Variants in CUX1 observed in about 807,000 individuals in gnomAD.
CUX1 encodes protein CASP.
In CUX1, 31 loss-of-function variants were observed where a neutral mutation model predicts 158.8. The observed-to-expected ratio is 0.20, with a 90% CI of 0.15 to 0.26. The LOEUF (loss-of-function observed/expected upper bound fraction) is 0.26, where lower values mean the gene tolerates loss of function less well. Among genes scored for constraint, CUX1 ranks in the 10% least tolerant of loss-of-function variants. The pLI, the probability that CUX1 is intolerant of heterozygous loss-of-function variation, is 1.00. For synonymous variants in CUX1, 879 were observed against 862.1 expected (o/e 1.02, Z -0.34); for missense variants, 1,589 against 2,014.6 (o/e 0.79, Z 4.04).
intron 10 of CUX1, 148 bp downstream of exon 10, chr7:102,170,698 CAAT>C (rs1791613852): frequency 3.4e-6 from 2 of 589,900 alleles, no homozygotes; most frequent in African/African-American, 3.8e-5. Flanking sequence ...TTGCTTTGAC[CAAT>C]TGGGGGCCGG....
intron 10 of CUX1, among the ~76,000 whole-genome samples, chr7:102,175,662 C>G (rs367589761): frequency 2.0e-5 from 3 of 152,138 alleles, no homozygotes; most frequent in African/African-American, 7.2e-5. Context: ...GTCCCGCCAG[C>G]CCTCCCGAGG....
At chr7:102,260,102 GAA>G (rs1412826601), downstream of CUX1, among the ~76,000 whole-genome samples, 65 of 90,770 alleles carry the variant, frequency 7.2e-4, no homozygotes, top group African/African-American at 2.5e-3. Context: ...ATCTTGGGGG[GAA>G]AAAAAAAAAA....
rs201993734 is a variant in CUX1 at position 102,111,710 on chromosome 7, G to A, written c.543G>A (p.Glu181=). 6.8e-6 allele frequency: 11 copies of A among 1,614,080 alleles called. No individual in the cohort carries two copies. Among genetic ancestry groups the A allele is most frequent in the Non-Finnish European group, 7.6e-6 (9 of 1,180,024 alleles). Residue 181 remains glutamate (E), a synonymous_variant, in exon 7 of 24, where the codon GAG becomes GAA. Transcript: ENST00000292535. ...TCTTCCTTTGCAGAAAGCTGCAGGA[G>A]ACACAGATGTCCACCACCTCAAAGC... ...DFAEKERKLQ[E]TQMSTTSKLE...
At chr7:102,134,293 C>T (rs782328607) in intron 8 of CUX1, among the ~76,000 whole-genome samples, 17 of 152,148 alleles carry the variant, frequency 1.1e-4, no homozygotes, top group Non-Finnish European at 1.9e-4. Flanking sequence ...GCTGAGATTG[C>T]ACCACTGCAC....
At chr7:101,898,429 G>A (rs1034165073) in intron 1 of CUX1, among the ~76,000 whole-genome samples, 14 of 152,128 alleles carry the variant, frequency 9.2e-5, no homozygotes, top group African/African-American at 3.4e-4. Flanking sequence ...CCGCCGGGAC[G>A]GGGAAGTCTC....
chr7:101,964,056 A>T (rs2129180177), intron 2 of CUX1, among the ~76,000 whole-genome samples: 1 of 152,254 alleles, frequency 6.6e-6, no homozygotes, highest in East Asian at 1.9e-4. Flanking sequence ...GCACATCAAG[A>T]AATGACAAGG....
intron 16 of CUX1, chr7:102,274,456 A>G (rs1791454516): frequency 1.6e-6 from 1 of 644,238 alleles, no homozygotes; most frequent in African/African-American, 1.8e-5. Context: ...GCAACCTTCA[A>G]AGGGTCGGGT....
chr7:101,966,055 G>A (rs980569160), intron 2 of CUX1, among the ~76,000 whole-genome samples: 1 of 151,940 alleles, frequency 6.6e-6, no homozygotes, highest in African/African-American at 2.4e-5. Context: ...TTTGTGAAGT[G>A]ATAATAGTGT....
chr7:102,122,890 G>GCA (rs1563273877), intron 8 of CUX1, among the ~76,000 whole-genome samples: 1 of 151,836 alleles, frequency 6.6e-6, no homozygotes. Flanking sequence ...GACGTCACAT[G>GCA]CACACACACA....
intron 4 of CUX1, among the ~76,000 whole-genome samples, chr7:102,079,980 G>T (rs402294): frequency 6.6e-6 from 1 of 152,098 alleles, no homozygotes; most frequent in East Asian, 1.9e-4. Context: ...TACCTTCCTC[G>T]GCCAGGTTCA....
At chr7:101,970,681 G>A (rs893017605) in intron 2 of CUX1, among the ~76,000 whole-genome samples, 3 of 152,108 alleles carry the variant, frequency 2.0e-5, no homozygotes, top group Admixed American at 1.3e-4. Flanking sequence ...TCAGCCCCTC[G>A]AGTAGCTGGG....
intron 7 of CUX1, 30 bp downstream of exon 7, chr7:102,111,804 A>G: frequency 6.3e-7 from 1 of 1,597,772 alleles, no homozygotes; most frequent in Non-Finnish European, 8.6e-7. Flanking sequence ...AGTACCATGG[A>G]TGTGGGGAGG....
chr7:102,143,674 C>T (rs1271200405), intron 8 of CUX1, among the ~76,000 whole-genome samples: 1 of 152,152 alleles, frequency 6.6e-6, no homozygotes, highest in African/African-American at 2.4e-5. Flanking sequence ...TTTTTTTCCC[C>T]TTGGCAAGTG....
rs1049920021 is a variant in CUX1, at chr7:101,884,907, G to T, written c.31-31208G>T. Among the ~76,000 whole-genome samples the T allele has an allele frequency of 2.6e-5, 4 of 152,060 alleles. No homozygotes were observed. In the East Asian group the frequency reaches 5.8e-4, roughly 22 times the overall value. Reference sequence around the variant, plus strand: ...TCCAGTTCTGCCTGGTTTTGGTGATGCTGTCACAGTGGAGGGCTGACTGCA... The same window carrying T: ...TCCAGTTCTGCCTGGTTTTGGTGATTCTGTCACAGTGGAGGGCTGACTGCA... On this transcript the variant is annotated intron_variant, in intron 1 of 23. Transcript: ENST00000292535.
At chr7:102,060,932 T>TC (rs1301361818) in intron 3 of CUX1, among the ~76,000 whole-genome samples, 11 of 142,532 alleles carry the variant, frequency 7.7e-5, no homozygotes, top group African/African-American at 2.9e-4. Flanking sequence ...TTTTTTTTTT[T>TC]TGGAGACAGA....
At chr7:102,069,642 G>C (rs1031539792) in intron 3 of CUX1, among the ~76,000 whole-genome samples, 1 of 152,184 alleles carries the variant, frequency 6.6e-6, no homozygotes, top group Non-Finnish European at 1.5e-5. Context: ...CCAGCTACTT[G>C]GGAGGCTGAG....
At chr7:102,168,300 G>A (rs1351773024) in intron 9 of CUX1, among the ~76,000 whole-genome samples, 1 of 152,058 alleles carries the variant, frequency 6.6e-6, no homozygotes, top group African/African-American at 2.4e-5. Flanking sequence ...CTCCTGGAGA[G>A]GCAAGGCAGG....
Position 102,252,047 on chromosome 7 carries a change from A to G in CUX1, c.*3005A>G, listed in dbSNP as rs1801570373. The G allele has an allele frequency of 3.0e-6, 3 of 985,310 alleles. No homozygotes were observed. The highest frequency in any genetic ancestry group is 5.2e-4 in the Middle Eastern group (1 of 1,936). 61.0% of individuals were successfully genotyped at this position (985,310 alleles called of 1,614,324 possible). ...CCATTCTGTCTTTTTTGCCAGACTT[A>G]CATCTGGTGCCAGATACAATCAGTT... On this transcript the variant is annotated 3_prime_UTR_variant, in exon 24 of 24. Coordinates refer to ENST00000292535, the MANE Select transcript of CUX1 (RefSeq NM_181552.4).
intron 2 of CUX1, among the ~76,000 whole-genome samples, chr7:101,997,287 G>A (rs747597573): frequency 3.7e-4 from 56 of 152,228 alleles, no homozygotes; most frequent in Non-Finnish European, 6.9e-4. Flanking sequence ...CCTGCTCCAC[G>A]TCTCTATGGA....
Sources: allele counts gnomAD v4.1 joint callset (sites outside exome capture counted in the v4.1 genomes callset), GRCh38; gene constraint gnomAD v4.1.1; transcripts MANE v1.5; gene names NCBI Gene and HGNC (gene_info 2026-07-23, HGNC 2026-07-21).